Variants in CAMK1D observed in about 807,000 individuals in gnomAD.
CAMK1D encodes the protein calcium/calmodulin dependent protein kinase ID.
A neutral mutation model predicts 47.7 loss-of-function variants in CAMK1D; 9 were observed. That is an observed-to-expected ratio of 0.19 (90% confidence interval 0.11 to 0.33). CAMK1D has a LOEUF of 0.33. Among genes scored for constraint, CAMK1D ranks in the 10% least tolerant of loss-of-function variants. The pLI is 1.00. For missense variants in CAMK1D, 291 were observed against 488.7 expected (o/e 0.60, Z 3.81); for synonymous variants, 184 against 184.9 (o/e 0.99, Z 0.04).
intron 1 of CAMK1D, among the ~76,000 whole-genome samples, chr10:12,508,529 TC>T (rs35559302): frequency 6.6e-6 from 1 of 152,068 alleles, no homozygotes; most frequent in Non-Finnish European, 1.5e-5. Context: ...TGGGCACAGT[TC>T]CCATTGGGAA....
intron 3 of CAMK1D, among the ~76,000 whole-genome samples, chr10:12,756,464 G>GT (rs1364138945): frequency 6.6e-6 from 1 of 152,188 alleles, no homozygotes; most frequent in African/African-American, 2.4e-5. Flanking sequence ...ATGATGTTAT[G>GT]TTTTTTGACA....
chr10:12,527,100 G>A (rs1564392523), intron 1 of CAMK1D, among the ~76,000 whole-genome samples: 1 of 151,968 alleles, frequency 6.6e-6, no homozygotes, highest in Non-Finnish European at 1.5e-5. Context: ...CTTTGGCCAG[G>A]TAGAAGGGTT....
chr10:12,352,831 G>C (rs967413204), intron 1 of CAMK1D, among the ~76,000 whole-genome samples: 1 of 150,544 alleles, frequency 6.6e-6, no homozygotes, highest in Non-Finnish European at 1.5e-5. Flanking sequence ...CTGCCTCATG[G>C]GTTCACGCCA....
At chr10:12,822,373 C>T (rs758167628) in intron 8 of CAMK1D, among the ~76,000 whole-genome samples, 3 of 152,166 alleles carry the variant, frequency 2.0e-5, no homozygotes, top group Non-Finnish European at 2.9e-5. Flanking sequence ...GCTGCACAGC[C>T]CAGGACTGTG....
chr10:12,598,687 G>A (rs1838215169), intron 2 of CAMK1D, among the ~76,000 whole-genome samples: 1 of 152,198 alleles, frequency 6.6e-6, no homozygotes, highest in Admixed American at 6.5e-5. Context: ...GAGGAAAAGG[G>A]CTCTGTACTG....
intron 4 of CAMK1D, among the ~76,000 whole-genome samples, chr10:12,765,211 G>T (rs1167428944): frequency 6.6e-6 from 1 of 152,136 alleles, no homozygotes; most frequent in Non-Finnish European, 1.5e-5. Context: ...TTTCTGTGTT[G>T]TTACTTGAGG....
intron 2 of CAMK1D, among the ~76,000 whole-genome samples, chr10:12,593,881 T>C (rs1432215552): frequency 6.6e-6 from 1 of 151,974 alleles, no homozygotes; most frequent in African/African-American, 2.4e-5. Flanking sequence ...TGCCTTCTTC[T>C]CTCATTAAAA....
At chr10:12,726,076 C>T (rs1834617582) in intron 3 of CAMK1D, among the ~76,000 whole-genome samples, 1 of 151,724 alleles carries the variant, frequency 6.6e-6, no homozygotes, top group Non-Finnish European at 1.5e-5. Context: ...AGTATATAGA[C>T]TATTTCTCTT....
chr10:12,558,735 A>G (rs1836844728), intron 2 of CAMK1D, among the ~76,000 whole-genome samples: 1 of 152,158 alleles, frequency 6.6e-6, no homozygotes, highest in Non-Finnish European at 1.5e-5. Flanking sequence ...ATTTACTAAT[A>G]GTTGGAAAAA....
chr10:12,350,480 G>A (rs1837321985), intron 1 of CAMK1D, among the ~76,000 whole-genome samples: 1 of 152,250 alleles, frequency 6.6e-6, no homozygotes. Flanking sequence ...GAGCCTCACC[G>A]GAGGGTCTGT....
rs35082652 is a variant in CAMK1D, at chr10:12,670,553, A to AT, written c.299+3756dup. 3.7e-3 allele frequency among the ~76,000 whole-genome samples: 542 copies of AT among 147,502 alleles called. 1 individual carries two copies. Among genetic ancestry groups the AT allele is most frequent in the Non-Finnish European group, 5.2e-3 (346 of 66,708 alleles). On this transcript the variant is annotated intron_variant, in intron 3 of 10. Transcript: ENST00000619168. The stretch of plus-strand genomic sequence containing the variant: ...ATTCACCCATAAAGTGTACAATGAA[A>AT]TTTTTTTTTTTTTGAGACGGATTCT...
intron 1 of CAMK1D, among the ~76,000 whole-genome samples, chr10:12,363,506 C>T (rs1369797082): frequency 6.6e-6 from 1 of 152,080 alleles, no homozygotes; most frequent in East Asian, 1.9e-4. Flanking sequence ...CTGCCCTCTT[C>T]GGCCTCCTCT....
chr10:12,778,696 G>A (rs965269900), intron 5 of CAMK1D, among the ~76,000 whole-genome samples: 1 of 152,148 alleles, frequency 6.6e-6, no homozygotes, highest in Admixed American at 6.6e-5. Context: ...GGGCAACATA[G>A]TAAGACCCCT....
chr10:12,437,951 GAGAGCTGGTCACA>G (rs1190221953), intron 1 of CAMK1D, among the ~76,000 whole-genome samples: 1 of 152,198 alleles, frequency 6.6e-6, no homozygotes, highest in Non-Finnish European at 1.5e-5. Flanking sequence ...GGTTCTTACT[GAGAGCTGGTCACA>G]TAGGCACCTG....
intron 1 of CAMK1D, among the ~76,000 whole-genome samples, chr10:12,550,116 C>T (rs1468498179): frequency 1.3e-5 from 2 of 152,130 alleles, no homozygotes; most frequent in Non-Finnish European, 2.9e-5. Flanking sequence ...GTTCCCAGCC[C>T]GAGCCCTTGG....
chr10:12,550,769 T>A (rs1353536505), intron 1 of CAMK1D, among the ~76,000 whole-genome samples: 1 of 152,212 alleles, frequency 6.6e-6, no homozygotes, highest in East Asian at 1.9e-4. Flanking sequence ...TCATCTGGGA[T>A]ATTTTGTGGA....
In CAMK1D at chr10:12,634,231, T is replaced by G. The variant is rs578238945; in HGVS notation, c.225-32505T>G. Among the ~76,000 whole-genome samples the G allele has an allele frequency of 2.6e-5, 4 of 152,338 alleles. 1 individual carries two copies. In the East Asian group the frequency reaches 7.7e-4, roughly 29 times the overall value. ...AGGTCCTTGTGTCCTAGCATCGTCC[T>G]TTCTCACCTGCCTTTATTCTGTTTC... On this transcript the variant is annotated intron_variant, in intron 2 of 10. Coordinates refer to ENST00000619168, the MANE Select transcript of CAMK1D (RefSeq NM_153498.4).
intron 1 of CAMK1D, among the ~76,000 whole-genome samples, chr10:12,498,570 A>G (rs2132135011): frequency 6.6e-6 from 1 of 152,298 alleles, no homozygotes. Flanking sequence ...AAGGAGGAAC[A>G]CTTCAGGAAG....
At chr10:12,516,170 C>T (rs1328139841) in intron 1 of CAMK1D, among the ~76,000 whole-genome samples, 5 of 152,210 alleles carry the variant, frequency 3.3e-5, no homozygotes, top group Admixed American at 2.0e-4. Context: ...AGTGCAGTGG[C>T]GTCATCTTGA....
Sources: gnomAD v4.1 joint callset for allele counts (sites outside exome capture counted in the v4.1 genomes callset) on GRCh38, gnomAD v4.1.1 for gene constraint, MANE v1.5 for transcripts, NCBI Gene and HGNC (gene_info 2026-07-23, HGNC 2026-07-21) for gene names.